Variants in CDK5RAP2 observed in about 807,000 individuals in gnomAD.
CDK5RAP2 encodes CDK5 regulatory subunit associated protein 2.
A neutral mutation model predicts 232.9 loss-of-function variants in CDK5RAP2; 147 were observed. The observed-to-expected ratio is 0.63, with a 90% CI of 0.55 to 0.72. The LOEUF (loss-of-function observed/expected upper bound fraction) is 0.72, where lower values mean the gene tolerates loss of function less well. Among genes scored for constraint, CDK5RAP2 ranks in the 30% least tolerant of loss-of-function variants. CDK5RAP2 has a pLI of 0.00. For synonymous variants in CDK5RAP2, 833 were observed against 833.7 expected, an observed-to-expected ratio of 1.00 and a Z score of 0.01; for missense variants, 2,195 against 2,231.5, an observed-to-expected ratio of 0.98 and a Z score of 0.33.
intron 18 of CDK5RAP2, among the ~76,000 whole-genome samples, chr9:120,463,648 T>A (rs7869290): frequency 6.6e-6 from 1 of 152,050 alleles, no homozygotes; most frequent in African/African-American, 2.4e-5. Flanking sequence ...AAGAAAGTAT[T>A]GTTAACACAT....
Position 120,518,220 on chromosome 9 carries a change from AG to A in CDK5RAP2, c.1311+206del, listed in dbSNP as rs1564327942. 1.5e-3 allele frequency among the ~76,000 whole-genome samples: 219 copies of A among 143,496 alleles called. 1 individual carries two copies. The highest frequency in any genetic ancestry group is 5.9e-3 in the African/African-American group (210 of 35,610). 94.1% of individuals were successfully genotyped at this position (143,496 alleles called of 152,430 possible). On this transcript the variant is annotated intron_variant, in intron 12 of 37. Coordinates refer to ENST00000349780, the MANE Select transcript of CDK5RAP2 (RefSeq NM_018249.6). ...GTGTGTGTGTGTGTGTGAGAGAGAG[AG>A]AGAGAGAGAGAGAGAGAGAGAGCGA...
At chr9:120,393,504 A>T (rs2131205019) in intron 36 of CDK5RAP2, among the ~76,000 whole-genome samples, 1 of 152,326 alleles carries the variant, frequency 6.6e-6, no homozygotes. Flanking sequence ...TTGACAGGAG[A>T]GCCGCACAAG....
At chr9:120,496,787 G>A (rs944291518) in intron 12 of CDK5RAP2, among the ~76,000 whole-genome samples, 1 of 137,754 alleles carries the variant, frequency 7.3e-6, no homozygotes, top group South Asian at 2.2e-4. Context: ...AGGGAGGTGG[G>A]GGGGGTCAGC....
chr9:120,482,029 G>A (rs929401740), intron 14 of CDK5RAP2, among the ~76,000 whole-genome samples: 1 of 152,106 alleles, frequency 6.6e-6, no homozygotes, highest in African/African-American at 2.4e-5. Flanking sequence ...GCATTCCAGG[G>A]AACTTCCCAT....
At position 120,409,308 on chromosome 9, in the gene CDK5RAP2, T is replaced by C; in HGVS notation, c.4423A>G (p.Lys1475Glu). 4.4e-6 allele frequency: 7 copies of C among 1,589,228 alleles called. No individual in the cohort carries two copies. The highest frequency in any genetic ancestry group is 6.0e-6 in the Non-Finnish European group (7 of 1,167,420). Reference sequence around the variant, plus strand: ...GACTCTCGTAATTTGTCATTCTCCTTCTGTTTATCTGCAAACATAAAAAGG... The same window carrying C: ...GACTCTCGTAATTTGTCATTCTCCTCCTGTTTATCTGCAAACATAAAAAGG... ...MLIKGSRDKQ[K>E]ENDKLRESLS... The change falls in exon 30 of 38, where the codon AAG (lysine) becomes GAG (glutamate). Residue 1475 changes from lysine (K) to glutamate (E), a missense_variant. Physicochemically the swap from Lys to Glu is moderately conservative, Grantham distance 56. Coordinates refer to ENST00000349780, the MANE Select transcript of CDK5RAP2 (RefSeq NM_018249.6).
intron 24 of CDK5RAP2, 81 bp from the exon 25 acceptor site, chr9:120,437,608 C>CAA: frequency 9.7e-7 from 1 of 1,026,882 alleles, no homozygotes; most frequent in Admixed American, 1.7e-5. Flanking sequence ...GGAAAAATGA[C>CAA]AGAGTACAAT....
chr9:120,460,016 T>C lies in CDK5RAP2; in HGVS notation c.2202+556A>G, dbSNP rs541944119. The stretch of plus-strand genomic sequence containing the variant: ...TTCAGTATCAATGTGATTGGAAGAG[T>C]GCTCTATGTGTACGGGGGTGAGATT... On this transcript the variant is annotated intron_variant, in intron 19 of 37. Coordinates refer to ENST00000349780, the MANE Select transcript of CDK5RAP2 (RefSeq NM_018249.6). Among the ~76,000 whole-genome samples the C allele has an allele frequency of 3.9e-5, 6 of 152,048 alleles. No homozygotes were observed. The South Asian group carries it at 1.2e-3, about 32-fold the overall frequency.
Position 120,431,537 on chromosome 9 carries a change from C to T in CDK5RAP2, c.3955+5758G>A, listed in dbSNP as rs1357756648. 2.0e-5 allele frequency among the ~76,000 whole-genome samples: 3 copies of T among 152,240 alleles called. No individual in the cohort carries two copies. The East Asian group carries it at 5.8e-4, about 29-fold the overall frequency. On this transcript the variant is annotated intron_variant, in intron 25 of 37. Transcript: ENST00000349780. ...CAATAAAGATCAGTCTTTCTCACTT[C>T]CTCATTGTTTCTCCTTCAACTTCTT... is the stretch of plus-strand genomic sequence containing the variant.
rs55747215 is a variant in CDK5RAP2 at position 120,518,213 on chromosome 9, G to GAC, written c.1311+213_1311+214insGT. ...TGTGTGTGTGTGTGTGTGTGTGTGAGAGAGAGAGAGAGAGAGAGAGAGAGA... is the reference window on the plus strand; with the variant it reads ...TGTGTGTGTGTGTGTGTGTGTGTGAGACAGAGAGAGAGAGAGAGAGAGAGAGA... On this transcript the variant is annotated intron_variant, in intron 12 of 37. Coordinates refer to ENST00000349780, the MANE Select transcript of CDK5RAP2 (RefSeq NM_018249.6). Among the ~76,000 whole-genome samples, 72,242 of 116,732 alleles carry GAC rather than the reference G, an allele frequency of 0.62. 19,238 individuals are homozygous for GAC. The highest frequency in any genetic ancestry group is 0.68 in the South Asian group (2,385 of 3,486). 76.6% of individuals were successfully genotyped at this position (116,732 alleles called of 152,430 possible).
Position 120,528,747 on chromosome 9 carries a change from G to A in CDK5RAP2, c.876C>T (p.Ile292=). Residue 292 remains isoleucine (I), a synonymous_variant, in exon 9 of 38, where the codon ATC becomes ATT. Coordinates refer to ENST00000349780, the MANE Select transcript of CDK5RAP2 (RefSeq NM_018249.6). The part of the protein sequence containing the change: ...QKERNSFEER[I]QALEEDLREK... ...TTTTAAAATTGTATCAACATACCTG[G>A]ATCCTCTCTTCAAAGCTGTTTCTCT... 1 of 1,591,798 alleles carries A rather than the reference G, an allele frequency of 6.3e-7. No homozygotes were observed. Among genetic ancestry groups the A allele is most frequent in the Non-Finnish European group, 8.6e-7 (1 of 1,159,542 alleles).
chr9:120,577,191 G>A lies in CDK5RAP2; in HGVS notation c.59+2729C>T, dbSNP rs145526193. 6.9e-3 allele frequency among the ~76,000 whole-genome samples: 1,049 copies of A among 152,020 alleles called. 9 individuals are homozygous for A. The highest frequency in any genetic ancestry group is 0.024 in the African/African-American group (990 of 41,440). On this transcript the variant is annotated intron_variant, in intron 1 of 37. Coordinates refer to ENST00000349780, the MANE Select transcript of CDK5RAP2 (RefSeq NM_018249.6). ...AGCCTGGTCAACCTGGTGAAACCCC[G>A]TCTCTACCAAAAATACAAAAATTAG...
At chr9:120,426,531 G>A (rs759588398) in intron 25 of CDK5RAP2, among the ~76,000 whole-genome samples, 1 of 152,178 alleles carries the variant, frequency 6.6e-6, no homozygotes, top group Non-Finnish European at 1.5e-5. Context: ...TCTGAGTTAA[G>A]CTAAGGGGTT....
intron 15 of CDK5RAP2, among the ~76,000 whole-genome samples, chr9:120,474,496 C>T (rs937626641): frequency 1.3e-5 from 2 of 152,088 alleles, no homozygotes; most frequent in Admixed American, 6.5e-5. Context: ...AAAAAATTAT[C>T]CAGCCTCAAA....
chr9:120,455,730 T>C (rs904656516), intron 20 of CDK5RAP2, among the ~76,000 whole-genome samples: 12 of 150,590 alleles, frequency 8.0e-5, no homozygotes, highest in African/African-American at 2.9e-4. Context: ...GAGCCAAACC[T>C]TGTGTCAAAA....
At chr9:120,572,308 C>A (rs181625006) in intron 1 of CDK5RAP2, among the ~76,000 whole-genome samples, 15 of 152,298 alleles carry the variant, frequency 9.8e-5, no homozygotes, top group Admixed American at 8.5e-4. Context: ...GTGCTAGTGG[C>A]AGAGGCACTG....
chr9:120,472,170 C>T (rs773423190), intron 15 of CDK5RAP2, among the ~76,000 whole-genome samples: 3 of 152,216 alleles, frequency 2.0e-5, no homozygotes, highest in African/African-American at 4.8e-5. Context: ...GATATGCATT[C>T]CTCACTTCAT....
intron 3 of CDK5RAP2, among the ~76,000 whole-genome samples, chr9:120,564,834 T>C (rs1220026553): frequency 6.6e-6 from 1 of 152,180 alleles, no homozygotes. Flanking sequence ...AAAACATGTT[T>C]TTTAAAGGGA....
chr9:120,525,619 C>T lies in CDK5RAP2; in HGVS notation c.1000-541G>A, dbSNP rs560908383. Among the ~76,000 whole-genome samples, 298 of 148,128 alleles carry T rather than the reference C, an allele frequency of 2.0e-3. 2 individuals carry two copies. The highest frequency in any genetic ancestry group is 7.0e-3 in the African/African-American group (283 of 40,544). On this transcript the variant is annotated intron_variant, in intron 10 of 37. Coordinates refer to ENST00000349780, the MANE Select transcript of CDK5RAP2 (RefSeq NM_018249.6). The stretch of plus-strand genomic sequence containing the variant: ...TCCCCCACATGTGATACAATGTTGA[C>T]TTTTTTTTTTTCCTTTGAGACGGGG...
intron 12 of CDK5RAP2, among the ~76,000 whole-genome samples, chr9:120,503,916 C>T (rs1360323941): frequency 6.6e-6 from 1 of 152,108 alleles, no homozygotes; most frequent in Non-Finnish European, 1.5e-5. Flanking sequence ...TGTCATCCAA[C>T]AGTTAACCCA....
Sources: allele counts gnomAD v4.1 joint callset (sites outside exome capture counted in the v4.1 genomes callset), GRCh38; gene constraint gnomAD v4.1.1; transcripts MANE v1.5; gene names NCBI Gene and HGNC (gene_info 2026-07-23, HGNC 2026-07-21).